CDH11: variants seen among roughly 807,000 people sequenced by gnomAD.
CDH11 encodes cadherin 11, also known as cadherin-11.
Under a neutral mutation model 67.8 loss-of-function variants are expected in CDH11, and 11 were observed. The observed-to-expected ratio is 0.16, with a 90% CI of 0.10 to 0.27. The LOEUF is 0.27. Ranked by LOEUF, CDH11 falls within the 10% of genes least tolerant of loss-of-function variation. The pLI, the probability that CDH11 is intolerant of heterozygous loss-of-function variation, is 1.00. For synonymous variants in CDH11, 419 were observed against 400.0 expected, an observed-to-expected ratio of 1.05 and a Z score of -0.57; for missense variants, 847 against 1,031.2, an observed-to-expected ratio of 0.82 and a Z score of 2.45.
intron 1 of CDH11, among the ~76,000 whole-genome samples, chr16:65,073,254 T>C (rs1181267064): frequency 1.3e-5 from 2 of 152,146 alleles, no homozygotes; most frequent in Non-Finnish European, 2.9e-5. Context: ...AGACTGCAAT[T>C]GTCCAGTTCC....
At chr16:65,111,835 G>C (rs1439959053) in intron 1 of CDH11, among the ~76,000 whole-genome samples, 1 of 152,034 alleles carries the variant, frequency 6.6e-6, no homozygotes, top group Non-Finnish European at 1.5e-5. Flanking sequence ...ACTTTGGGAG[G>C]CCAAGGCGGG....
rs187992261 is a variant in CDH11, at chr16:64,958,723, C to T, written c.1643-7705G>A. ...TTAAACTAGTTTATTTTAATATCCA[C>T]AATAGGTTGGTTAATTAGTTGAATT... On this transcript the variant is annotated intron_variant, in intron 11 of 12. Transcript: ENST00000268603. 3.9e-5 allele frequency among the ~76,000 whole-genome samples: 6 copies of T among 152,162 alleles called. No homozygotes were observed. The East Asian group carries it at 1.2e-3, about 29-fold the overall frequency.
Position 64,944,459 on chromosome 16 carries a change from C to T in CDH11, c.*3144G>A, listed in dbSNP as rs2071160933. 1 of 233,042 alleles carries T rather than the reference C, an allele frequency of 4.3e-6. No individual in the cohort carries two copies. The highest frequency in any genetic ancestry group is 6.0e-5 in the East Asian group (1 of 16,552). The allele number at this position is 233,042 out of a possible 1,614,324, so 14.4% of individuals were successfully genotyped here. Reference sequence around the variant, plus strand: ...TGGGTTTATATGCTCCTAATCTGTCCTCCACACTGCCTGCCAAATAAATTT... The same window carrying T: ...TGGGTTTATATGCTCCTAATCTGTCTTCCACACTGCCTGCCAAATAAATTT... On this transcript the variant is annotated 3_prime_UTR_variant, in exon 13 of 13. Transcript: ENST00000268603.
At chr16:65,088,867 C>T (rs545080826) in intron 1 of CDH11, among the ~76,000 whole-genome samples, 33 of 152,212 alleles carry the variant, frequency 2.2e-4, no homozygotes, top group Admixed American at 4.6e-4. Context: ...TTTATACTTT[C>T]GTCAGCAGAG....
intron 2 of CDH11, among the ~76,000 whole-genome samples, chr16:65,013,839 A>T (rs1009329137): frequency 4.0e-5 from 6 of 151,850 alleles, no homozygotes; most frequent in Non-Finnish European, 5.9e-5. Flanking sequence ...AAAAAAAAAG[A>T]AAGAAAAAGG....
chr16:65,104,830 A>C (rs892568558), intron 1 of CDH11, among the ~76,000 whole-genome samples: 1 of 152,222 alleles, frequency 6.6e-6, no homozygotes, highest in African/African-American at 2.4e-5. Flanking sequence ...CCATTTGTTC[A>C]TTCAAAAGAA....
intron 11 of CDH11, among the ~76,000 whole-genome samples, chr16:64,959,139 T>C (rs2071602985): frequency 6.6e-6 from 1 of 152,198 alleles, no homozygotes; most frequent in South Asian, 2.1e-4. Flanking sequence ...TTCTTCCAAT[T>C]ATTGCCTTTT....
chr16:64,959,086 G>C (rs185354247), intron 11 of CDH11, among the ~76,000 whole-genome samples: 2 of 152,252 alleles, frequency 1.3e-5, no homozygotes, highest in South Asian at 4.1e-4. Context: ...GACTCTGATG[G>C]CTATAATGTC....
chr16:65,034,779 C>T lies in CDH11; in HGVS notation c.-173+19025G>A, dbSNP rs147690944. 2.8e-3 allele frequency among the ~76,000 whole-genome samples: 421 copies of T among 152,192 alleles called. 2 individuals are homozygous for T. Among genetic ancestry groups the T allele is most frequent in the Admixed American group, 9.0e-3 (137 of 15,296 alleles). ...TGGTTAGTCACCATAACAGGGTGCACGTGGCTGTATCTGGACTGCCTACGT... is the reference window on the plus strand; with the variant it reads ...TGGTTAGTCACCATAACAGGGTGCATGTGGCTGTATCTGGACTGCCTACGT... On this transcript the variant is annotated intron_variant, in intron 2 of 12. Coordinates refer to ENST00000268603, the MANE Select transcript of CDH11 (RefSeq NM_001797.4).
intron 12 of CDH11, among the ~76,000 whole-genome samples, chr16:64,949,107 G>A (rs956505769): frequency 6.6e-6 from 1 of 152,062 alleles, no homozygotes. Flanking sequence ...TCTGCTTAGC[G>A]GACTCTTTTT....
At chr16:65,086,803 C>A (rs2074707900) in intron 1 of CDH11, among the ~76,000 whole-genome samples, 1 of 152,142 alleles carries the variant, frequency 6.6e-6, no homozygotes, top group Non-Finnish European at 1.5e-5. Context: ...AAAACAAACA[C>A]AAGTCCCAGA....
intron 2 of CDH11, among the ~76,000 whole-genome samples, chr16:65,025,713 T>TTAC (rs2073520436): frequency 6.6e-6 from 1 of 152,170 alleles, no homozygotes; most frequent in African/African-American, 2.4e-5. Context: ...TACATTATTA[T>TTAC]TACAGAAAGG....
chr16:65,003,648 T>A (rs765101888), intron 3 of CDH11, among the ~76,000 whole-genome samples: 4 of 152,160 alleles, frequency 2.6e-5, no homozygotes, highest in Non-Finnish European at 4.4e-5. Context: ...TTTTCCAAAC[T>A]CTCTTGAATT....
intron 2 of CDH11, chr16:65,007,152 A>T (rs1472139352): frequency 1.3e-5 from 2 of 152,236 alleles, no homozygotes; most frequent in Admixed American, 1.3e-4. Flanking sequence ...ATTTGTAGAT[A>T]CAGATCCATT....
intron 7 of CDH11, 182 bp from the exon 8 acceptor site, chr16:64,982,483 G>C: frequency 1.7e-6 from 1 of 598,248 alleles, no homozygotes; most frequent in Non-Finnish European, 3.0e-6. Context: ...CTGAAACCTA[G>C]AATGTGCTTA....
Position 64,972,000 on chromosome 16 carries a change from A to G in CDH11, c.1455T>C (p.Ala485=). The change falls in exon 10 of 13, where the codon GCT becomes GCC. Residue 485 remains alanine (A), a synonymous_variant. Transcript: ENST00000268603. ...CTTCATAAGGGGCAGCAAACTTGGG[A>G]GCATTATCGTTGACATCAAGGACCC... The part of the protein sequence containing the change: ...AIRVLDVNDN[A]PKFAAPYEGF... 1 of 1,613,856 alleles carries G rather than the reference A, an allele frequency of 6.2e-7. No individual in the cohort carries two copies. Among genetic ancestry groups the G allele is most frequent in the South Asian group, 1.1e-5 (1 of 91,082 alleles).
Position 65,004,754 on chromosome 16 carries a change from T to A in CDH11, c.116A>T (p.His39Leu). The A allele has an allele frequency of 6.2e-7, 1 of 1,613,248 alleles. No homozygotes were observed. The highest frequency in any genetic ancestry group is 1.3e-5 in the African/African-American group (1 of 75,038). ...CACCTGCCCCTCCTTGCCCTTCTCA[T>A]GGTGCCCATGGAAGGAGGGCCGCAG... ...GHLRPSFHGH[H>L]EKGKEGQVLQ... The change falls in exon 3 of 13, where the codon CAT becomes CTT. Residue 39 changes from histidine to leucine, a missense_variant. Physicochemically the swap from His to Leu is moderately conservative, Grantham distance 99. This residue lies in a region of CDH11 where 235 missense variants were observed against 352.5 expected (regional missense o/e 0.67). Coordinates refer to ENST00000268603, the MANE Select transcript of CDH11 (RefSeq NM_001797.4).
chr16:65,027,109 C>T (rs1327127823), intron 2 of CDH11, among the ~76,000 whole-genome samples: 2 of 152,092 alleles, frequency 1.3e-5, no homozygotes, highest in African/African-American at 2.4e-5. Context: ...AGAGTCATTC[C>T]CTGATAGAAA....
At chr16:65,030,786 C>A (rs945833765) in intron 2 of CDH11, among the ~76,000 whole-genome samples, 1 of 152,144 alleles carries the variant, frequency 6.6e-6, no homozygotes, top group African/African-American at 2.4e-5. Flanking sequence ...TTGTCTCAAA[C>A]TCCTGAGCTC....
Sources: allele counts gnomAD v4.1 joint callset (sites outside exome capture counted in the v4.1 genomes callset), GRCh38; gene constraint gnomAD v4.1.1; regional missense constraint gnomAD v4.1.1; transcripts MANE v1.5; gene names NCBI Gene and HGNC (gene_info 2026-07-23, HGNC 2026-07-21).